The following ZNF407 variants were observed in gnomAD, a reference collection of about 807,000 sequenced individuals.
ZNF407 encodes zinc finger protein 407.
Under a neutral mutation model 131.2 loss-of-function variants are expected in ZNF407, and 17 were observed. The observed-to-expected ratio is 0.13, with a 90% confidence interval of 0.09 to 0.19. The LOEUF is 0.19. Ranked by LOEUF, ZNF407 falls within the 10% of genes least tolerant of loss-of-function variation. The pLI, the probability that ZNF407 is intolerant of heterozygous loss-of-function variation, is 1.00. For synonymous variants in ZNF407, 1,156 were observed against 1,062.0 expected (o/e 1.09, Z -1.72); for missense variants, 2,681 against 2,830.6 (o/e 0.95, Z 1.20).
intron 8 of ZNF407, chr18:75,062,750 A>T (rs960083926): frequency 3.0e-5 from 5 of 166,900 alleles, no homozygotes; most frequent in African/African-American, 1.2e-4. Context: ...GGGTTAGGAG[A>T]TACTACTGCT....
chr18:74,804,005 T>C, intron 4 of ZNF407: 1 of 1,551,788 alleles, frequency 6.4e-7, no homozygotes, highest in East Asian at 2.4e-5. Context: ...TTGCCAGGAA[T>C]ACAGAACAAC....
intron 8 of ZNF407, among the ~76,000 whole-genome samples, chr18:74,966,950 T>G (rs1477448257): frequency 6.6e-6 from 1 of 152,222 alleles, no homozygotes; most frequent in East Asian, 1.9e-4. Context: ...ATTTATTTTT[T>G]ATGTCCCAAA....
chr18:74,713,358 C>CTTTTTTTTTTTTTTTT, intron 3 of ZNF407, among the ~76,000 whole-genome samples: 1 of 84,454 alleles, frequency 1.2e-5, no homozygotes, highest in South Asian at 4.2e-4. Flanking sequence ...ATTTTAGCAT[C>CTTTTTTTTTTTTTTTT]TTTTTTTTTT....
intron 8 of ZNF407, among the ~76,000 whole-genome samples, chr18:74,932,437 C>T (rs1427663116): frequency 6.6e-6 from 1 of 152,172 alleles, no homozygotes; most frequent in Non-Finnish European, 1.5e-5. Context: ...TAAAATGCCA[C>T]AGTTGGATAT....
chr18:74,716,514 A>C (rs1045348965), intron 3 of ZNF407, among the ~76,000 whole-genome samples: 2 of 152,186 alleles, frequency 1.3e-5, no homozygotes, highest in South Asian at 4.1e-4. Context: ...TTTATCTAGC[A>C]GTAAGGCAAC....
At chr18:74,952,364 C>T (rs769404717) in intron 8 of ZNF407, among the ~76,000 whole-genome samples, 2 of 152,184 alleles carry the variant, frequency 1.3e-5, no homozygotes, top group Non-Finnish European at 2.9e-5. Flanking sequence ...CGCTGTCATG[C>T]TCATGGAGAA....
intron 8 of ZNF407, among the ~76,000 whole-genome samples, chr18:75,034,121 C>T (rs1973277167): frequency 6.6e-6 from 1 of 151,994 alleles, no homozygotes; most frequent in Non-Finnish European, 1.5e-5. Context: ...CACATATCAG[C>T]GTTCTGTAAT....
chr18:74,719,276 C>G (rs1258658616), intron 3 of ZNF407, among the ~76,000 whole-genome samples: 2 of 152,060 alleles, frequency 1.3e-5, no homozygotes, highest in African/African-American at 4.8e-5. Context: ...AGAAAGAGTT[C>G]CTCCTGTCTG....
chr18:74,810,693 G>A (rs1355368381), intron 4 of ZNF407, among the ~76,000 whole-genome samples: 11 of 151,844 alleles, frequency 7.2e-5, no homozygotes, highest in African/African-American at 1.5e-4. Context: ...CAGAAATATC[G>A]CCGCATATCT....
At chr18:75,023,440 A>T (rs547073112) in intron 8 of ZNF407, among the ~76,000 whole-genome samples, 19 of 152,294 alleles carry the variant, frequency 1.2e-4, no homozygotes, top group Non-Finnish European at 2.6e-4. Context: ...TAGTATGTAT[A>T]TTACATGTAA....
chr18:74,698,051 T>C (rs1323495245), intron 3 of ZNF407, among the ~76,000 whole-genome samples: 1 of 152,234 alleles, frequency 6.6e-6, no homozygotes, highest in Non-Finnish European at 1.5e-5. Flanking sequence ...TTCATTGTAA[T>C]GTGCAGGTCA....
At chr18:74,600,976 A>G (rs1042043145) in intron 1 of ZNF407, among the ~76,000 whole-genome samples, 1 of 152,216 alleles carries the variant, frequency 6.6e-6, no homozygotes, top group Non-Finnish European at 1.5e-5. Context: ...TTGCATTTAT[A>G]GTAGGTTAGA....
intron 4 of ZNF407, among the ~76,000 whole-genome samples, chr18:74,847,551 C>T (rs546760285): frequency 6.6e-6 from 1 of 152,174 alleles, no homozygotes; most frequent in South Asian, 2.1e-4. Flanking sequence ...TTTTTAATTT[C>T]TTTTTTTCTC....
chr18:74,821,116 G>A lies in ZNF407; in HGVS notation c.4877+39614G>A, dbSNP rs865887375. Among the ~76,000 whole-genome samples the A allele has an allele frequency of 3.9e-5, 6 of 151,952 alleles. No individual in the cohort carries two copies. In the Middle Eastern group the frequency reaches 0.021, roughly 520 times the overall value. ...GCTGCAGAATGGAAAGAAAGTTTAGGTACTAGTGTTATTAGGTTGGTGCAA... is the reference window on the plus strand; with the variant it reads ...GCTGCAGAATGGAAAGAAAGTTTAGATACTAGTGTTATTAGGTTGGTGCAA... On this transcript the variant is annotated intron_variant, in intron 4 of 8. Coordinates refer to ENST00000299687, the MANE Select transcript of ZNF407 (RefSeq NM_017757.3).
intron 8 of ZNF407, among the ~76,000 whole-genome samples, chr18:75,046,562 G>T (rs2122252144): frequency 6.6e-6 from 1 of 152,276 alleles, no homozygotes; most frequent in South Asian, 2.1e-4. Flanking sequence ...TAAGCCAGCA[G>T]TTAGAAAGTC....
Position 74,788,303 on chromosome 18 carries a change from A to G in ZNF407, c.4877+6801A>G, listed in dbSNP as rs529841151. On this transcript the variant is annotated intron_variant, in intron 4 of 8. Coordinates refer to ENST00000299687, the MANE Select transcript of ZNF407 (RefSeq NM_017757.3). ...CCAATATTTTTCTGGAAGTGCATATATCTTTAGCCATTTGGTTTTGGGGGC... is the reference window on the plus strand; with the variant it reads ...CCAATATTTTTCTGGAAGTGCATATGTCTTTAGCCATTTGGTTTTGGGGGC... Among the ~76,000 whole-genome samples, 184 of 152,278 alleles carry G rather than the reference A, an allele frequency of 1.2e-3. 1 individual carries two copies. The highest frequency in any genetic ancestry group is 4.3e-3 in the African/African-American group (177 of 41,534).
intron 8 of ZNF407, among the ~76,000 whole-genome samples, chr18:74,958,237 G>C (rs935833435): frequency 1.3e-4 from 20 of 152,330 alleles, no homozygotes; most frequent in Non-Finnish European, 2.5e-4. Context: ...CAGCAAAAGA[G>C]AACACTGTCG....
chr18:74,956,721 C>T (rs983799354), intron 8 of ZNF407, among the ~76,000 whole-genome samples: 1 of 152,032 alleles, frequency 6.6e-6, no homozygotes, highest in Admixed American at 6.6e-5. Context: ...AGGAATATGC[C>T]TGGGAGAAGG....
intron 8 of ZNF407, among the ~76,000 whole-genome samples, chr18:74,935,420 G>C (rs562693299): frequency 6.6e-6 from 1 of 152,098 alleles, no homozygotes; most frequent in Non-Finnish European, 1.5e-5. Context: ...ATAAACCACC[G>C]ACAGGATTAG....
Sources: gnomAD v4.1 joint callset for allele counts (sites outside exome capture counted in the v4.1 genomes callset) on GRCh38, gnomAD v4.1.1 for gene constraint, MANE v1.5 for transcripts, NCBI Gene and HGNC (gene_info 2026-07-23, HGNC 2026-07-21) for gene names.